Variants in STPG2 observed in about 807,000 individuals in gnomAD.
STPG2 encodes sperm-tail PG-rich repeat-containing protein 2.
Under a neutral mutation model 54.2 loss-of-function variants are expected in STPG2, and 56 were observed. The ratio of observed to expected loss-of-function variants is 1.03; its 90% CI spans 0.83 to 1.29. The LOEUF is 1.29. STPG2 is among the 50% of genes most tolerant of loss of function. The probability of loss-of-function intolerance (pLI) is 0.00; values close to 1 mark genes in which losing one functional copy is unlikely to be tolerated. For synonymous variants in STPG2, 200 were observed against 181.8 expected (o/e 1.10, Z -0.81); for missense variants, 596 against 544.9 (o/e 1.09, Z -0.93).
chr4:97,614,586 G>C (rs1733813370), intron 10 of STPG2, among the ~76,000 whole-genome samples: 1 of 152,104 alleles, frequency 6.6e-6, no homozygotes, highest in South Asian at 2.1e-4. Context: ...CTGTTGCCAT[G>C]CTCTTCACTC....
At chr4:97,884,516 C>T (rs1469607967) in intron 8 of STPG2, among the ~76,000 whole-genome samples, 1 of 152,086 alleles carries the variant, frequency 6.6e-6, no homozygotes, top group African/African-American at 2.4e-5. Context: ...GAAGAGAGGT[C>T]TTAGAAGAAA....
At chr4:98,133,855 A>G (rs1004253923) in intron 2 of STPG2, among the ~76,000 whole-genome samples, 1 of 152,050 alleles carries the variant, frequency 6.6e-6, no homozygotes, top group Admixed American at 6.6e-5. Flanking sequence ...ACTCATGACT[A>G]TGAAGATATC....
intron 8 of STPG2, among the ~76,000 whole-genome samples, chr4:97,854,732 GA>G (rs919140370): frequency 2.0e-5 from 3 of 152,042 alleles, no homozygotes; most frequent in African/African-American, 4.8e-5. Context: ...AATTTTATTA[GA>G]TTTTTTTTCT....
intron 10 of STPG2, among the ~76,000 whole-genome samples, chr4:97,602,362 C>T (rs952159103): frequency 6.6e-6 from 1 of 151,720 alleles, no homozygotes; most frequent in Non-Finnish European, 1.5e-5. Flanking sequence ...CATCCATCCT[C>T]CTGCTCCAAT....
chr4:97,789,249 A>G (rs956590694), intron 9 of STPG2, among the ~76,000 whole-genome samples: 91 of 151,996 alleles, frequency 6.0e-4, no homozygotes, highest in African/African-American at 2.1e-3. Context: ...TATTTTGATT[A>G]TGGTATTCAA....
rs1484785167 is a variant in STPG2, at chr4:97,559,047, A to T, written c.*11T>A. 1 of 1,588,674 alleles carries T rather than the reference A, an allele frequency of 6.3e-7. No homozygotes were observed. The highest frequency in any genetic ancestry group is 8.5e-7 in the Non-Finnish European group (1 of 1,170,044). ...TGAAGTTGTTTTTTAAGTTTTTGCC[A>T]TAAATTTATGTCACATTATATCAGC... On this transcript the variant is annotated 3_prime_UTR_variant, in exon 11 of 11. Coordinates refer to ENST00000295268, the MANE Select transcript of STPG2 (RefSeq NM_174952.3).
intron 5 of STPG2, among the ~76,000 whole-genome samples, chr4:98,032,467 C>G (rs2710860): frequency 0.85 from 129,418 of 152,020 alleles, 55,233 homozygotes; most frequent in Middle Eastern, 0.97. Flanking sequence ...TAATGGAAGA[C>G]ACAGAGACTC....
At chr4:97,743,824 A>G (rs1157496052) in intron 9 of STPG2, among the ~76,000 whole-genome samples, 1 of 151,582 alleles carries the variant, frequency 6.6e-6, no homozygotes, top group Non-Finnish European at 1.5e-5. Context: ...AAATCTTCCC[A>G]AAAGAGGACA....
In STPG2 at chr4:97,613,475, C is replaced by CGTGTGT. The variant is rs70953075; in HGVS notation, c.1321-54364_1321-54359dup. Among the ~76,000 whole-genome samples the CGTGTGT allele has an allele frequency of 2.0e-3, 291 of 142,336 alleles. 1 individual carries two copies. The highest frequency in any genetic ancestry group is 3.5e-3 in the Middle Eastern group (1 of 282). The allele number at this position is 142,336 out of a possible 152,430, so 93.4% of individuals were successfully genotyped here. A position where few individuals can be genotyped will look rare whatever the true frequency, so the allele number is the denominator to read the frequency against. On this transcript the variant is annotated intron_variant, in intron 10 of 10. Coordinates refer to ENST00000295268, the MANE Select transcript of STPG2 (RefSeq NM_174952.3). ...AGTGAGCCACTGTCTAGTCATCACC[C>CGTGTGT]GTGTGTGTGTGTGTGTGTGTGTGTG...
chr4:97,569,034 A>G (rs1732530535), intron 10 of STPG2, among the ~76,000 whole-genome samples: 1 of 152,134 alleles, frequency 6.6e-6, no homozygotes. Context: ...AAGCAAGTTT[A>G]TTAAGTAAAC....
intron 8 of STPG2, among the ~76,000 whole-genome samples, chr4:97,853,105 T>C (rs2149132951): frequency 6.7e-6 from 1 of 149,878 alleles, no homozygotes; most frequent in South Asian, 2.1e-4. Context: ...TCCTCCTGAG[T>C]AGCTGGGACC....
intron 5 of STPG2, among the ~76,000 whole-genome samples, chr4:98,051,124 T>G (rs1223174991): frequency 2.1e-5 from 3 of 144,000 alleles, no homozygotes; most frequent in Non-Finnish European, 4.6e-5. Flanking sequence ...GTTCACATCT[T>G]TGCCTAACTA....
At chr4:98,115,798 G>A (rs537633648) in intron 3 of STPG2, among the ~76,000 whole-genome samples, 1 of 152,050 alleles carries the variant, frequency 6.6e-6, no homozygotes, top group African/African-American at 2.4e-5. Context: ...TTTTTCTGCA[G>A]GAGAAACAGA....
chr4:97,516,635 C>A (rs1731081269), intron 4 of STPG2, among the ~76,000 whole-genome samples: 1 of 151,838 alleles, frequency 6.6e-6, no homozygotes, highest in African/African-American at 2.4e-5. Context: ...CCAGTCTGGA[C>A]AACATGGGGA....
intron 9 of STPG2, among the ~76,000 whole-genome samples, chr4:97,741,602 C>G (rs1263615612): frequency 1.3e-5 from 2 of 152,174 alleles, no homozygotes; most frequent in Admixed American, 1.3e-4. Context: ...AGCCAAGAAA[C>G]ACATGAAAAA....
intron 9 of STPG2, among the ~76,000 whole-genome samples, chr4:97,817,259 T>G (rs1370466944): frequency 6.7e-6 from 1 of 150,372 alleles, no homozygotes; most frequent in Non-Finnish European, 1.5e-5. Flanking sequence ...TATATACATA[T>G]AATAAATATA....
chr4:98,082,576 C>T (rs910263019), intron 5 of STPG2, among the ~76,000 whole-genome samples: 8 of 148,362 alleles, frequency 5.4e-5, no homozygotes, highest in Non-Finnish European at 7.5e-5. Context: ...CTCAGCTCCC[C>T]GAGTAGCTGG....
intron 5 of STPG2, among the ~76,000 whole-genome samples, chr4:98,009,378 T>C (rs919296922): frequency 1.3e-5 from 2 of 151,856 alleles, no homozygotes; most frequent in Admixed American, 1.3e-4. Flanking sequence ...TTTTCATATA[T>C]CTGTGAATTT....
At chr4:97,803,897 G>C (rs745509499) in intron 9 of STPG2, among the ~76,000 whole-genome samples, 1 of 152,220 alleles carries the variant, frequency 6.6e-6, no homozygotes, top group South Asian at 2.1e-4. Flanking sequence ...CCGATGTCAC[G>C]TTATTTCAAT....
Sources: gnomAD v4.1 joint callset for allele counts (sites outside exome capture counted in the v4.1 genomes callset) on GRCh38, gnomAD v4.1.1 for gene constraint, MANE v1.5 for transcripts, NCBI Gene and HGNC (gene_info 2026-07-23, HGNC 2026-07-21) for gene names.